Variants in ST6GAL1 observed in about 807,000 individuals in gnomAD.
ST6GAL1 encodes ST6 beta-galactoside alpha-2,6-sialyltransferase 1, also known as beta-galactoside alpha-2,6-sialyltransferase 1.
ST6GAL1 carries 20 observed loss-of-function variants against 38.0 expected under a neutral mutation model. That is an observed-to-expected ratio of 0.53 (90% CI 0.37 to 0.77). ST6GAL1 has a LOEUF of 0.77. ST6GAL1 is among the 30% of genes least tolerant of loss of function. The pLI, the probability that ST6GAL1 is intolerant of heterozygous loss-of-function variation, is 0.00. For missense variants in ST6GAL1, 432 were observed against 496.4 expected, an observed-to-expected ratio of 0.87 and a Z score of 1.23; for synonymous variants, 196 against 188.2, an observed-to-expected ratio of 1.04 and a Z score of -0.34.
intron 5 of ST6GAL1, among the ~76,000 whole-genome samples, chr3:187,052,373 G>A (rs1475113161): frequency 6.6e-6 from 1 of 152,132 alleles, no homozygotes; most frequent in Non-Finnish European, 1.5e-5. Context: ...AGATATACAT[G>A]TGCCATGTTG....
At chr3:187,073,277 T>G (rs1423851536) in intron 6 of ST6GAL1, 1 of 246,396 alleles carries the variant, frequency 4.1e-6, no homozygotes, top group Non-Finnish European at 8.0e-6. Flanking sequence ...CGAGAGTAGT[T>G]GCCGTTACTC....
At chr3:187,010,074 AGAGGAC>A (rs1410805604) in intron 2 of ST6GAL1, among the ~76,000 whole-genome samples, 1 of 152,222 alleles carries the variant, frequency 6.6e-6, no homozygotes, top group Non-Finnish European at 1.5e-5. Context: ...CTTTAAAGGA[AGAGGAC>A]AAGTTAAATT....
intron 2 of ST6GAL1, among the ~76,000 whole-genome samples, chr3:186,968,052 C>G (rs1188679546): frequency 6.6e-6 from 1 of 152,176 alleles, no homozygotes. Flanking sequence ...TCATTTGGAG[C>G]CTTCTTTGAG....
At chr3:187,017,303 C>T (rs529486604) in intron 2 of ST6GAL1, among the ~76,000 whole-genome samples, 3 of 152,310 alleles carry the variant, frequency 2.0e-5, no homozygotes, top group East Asian at 1.9e-4. Flanking sequence ...TTCTTCCAAA[C>T]TATTCTGATG....
At chr3:186,966,819 A>G (rs1715145522) in intron 2 of ST6GAL1, among the ~76,000 whole-genome samples, 1 of 152,028 alleles carries the variant, frequency 6.6e-6, no homozygotes, top group Non-Finnish European at 1.5e-5. Flanking sequence ...CAGTCCCTGG[A>G]CTCTCAGAAC....
intron 2 of ST6GAL1, among the ~76,000 whole-genome samples, chr3:187,038,066 T>G (rs1717991306): frequency 6.6e-6 from 1 of 152,140 alleles, no homozygotes; most frequent in Non-Finnish European, 1.5e-5. Flanking sequence ...GTATGAAGTT[T>G]ATTTCAGGAT....
At chr3:186,942,922 C>G (rs1015314078) in intron 1 of ST6GAL1, among the ~76,000 whole-genome samples, 19 of 152,308 alleles carry the variant, frequency 1.2e-4, no homozygotes, top group African/African-American at 4.6e-4. Flanking sequence ...AGGCTGGTCT[C>G]AAACTGCTCA....
At chr3:187,059,428 C>G (rs1579371103) in intron 5 of ST6GAL1, among the ~76,000 whole-genome samples, 1 of 152,216 alleles carries the variant, frequency 6.6e-6, no homozygotes, top group African/African-American at 2.4e-5. Flanking sequence ...AGCACTAAAA[C>G]CTCATCTCCA....
At chr3:187,059,720 C>T (rs1639521047) in intron 5 of ST6GAL1, among the ~76,000 whole-genome samples, 2 of 152,208 alleles carry the variant, frequency 1.3e-5, no homozygotes, top group East Asian at 3.8e-4. Flanking sequence ...ATACCTGGCA[C>T]ATGTATCAAT....
intron 1 of ST6GAL1, among the ~76,000 whole-genome samples, chr3:186,934,911 T>C (rs56084864): frequency 0.32 from 47,842 of 151,428 alleles, 7,498 homozygotes; most frequent in Middle Eastern, 0.35. Context: ...GGACTACAGG[T>C]GCCCGCCACC....
At chr3:186,956,500 A>G (rs1371524826) in intron 1 of ST6GAL1, among the ~76,000 whole-genome samples, 1 of 152,186 alleles carries the variant, frequency 6.6e-6, no homozygotes, top group Non-Finnish European at 1.5e-5. Flanking sequence ...ATGCAGTTCT[A>G]TACCAGAGGG....
chr3:187,049,290 A>C (rs1032985981), intron 4 of ST6GAL1, among the ~76,000 whole-genome samples: 1 of 152,226 alleles, frequency 6.6e-6, no homozygotes, highest in Non-Finnish European at 1.5e-5. Flanking sequence ...GCTGAGAAGA[A>C]GACTAAGGTC....
At chr3:186,979,754 AG>A (rs1229989544) in intron 2 of ST6GAL1, among the ~76,000 whole-genome samples, 1 of 152,146 alleles carries the variant, frequency 6.6e-6, no homozygotes, top group African/African-American at 2.4e-5. Flanking sequence ...CCTGCTGCCA[AG>A]GCTTCCGAGA....
rs553063971 is a variant in ST6GAL1 at position 186,932,524 on chromosome 3, T to C, written c.-325+1690T>C. 5.0e-4 allele frequency among the ~76,000 whole-genome samples: 76 copies of C among 152,356 alleles called. 1 individual carries two copies. The highest frequency in any genetic ancestry group is 1.8e-3 in the African/African-American group (74 of 41,584). The stretch of plus-strand genomic sequence containing the variant: ...GTAATTCCTTACTCTCCTTCAAGCC[T>C]TTCAAAAGCTTAGTTATTTTTCTCT... On this transcript the variant is annotated intron_variant, in intron 1 of 7. Transcript: ENST00000169298.
chr3:187,014,203 G>T (rs181305808), intron 2 of ST6GAL1, among the ~76,000 whole-genome samples: 1 of 152,352 alleles, frequency 6.6e-6, no homozygotes, highest in Admixed American at 6.5e-5. Context: ...GACCCCGACT[G>T]TCATGTAATT....
chr3:187,032,592 G>A (rs1717792585), intron 2 of ST6GAL1, among the ~76,000 whole-genome samples: 2 of 152,280 alleles, frequency 1.3e-5, no homozygotes, highest in Admixed American at 6.5e-5. Flanking sequence ...TATTTATGAA[G>A]CTTATATTTT....
chr3:187,011,891 C>T (rs780737415), intron 2 of ST6GAL1, among the ~76,000 whole-genome samples: 57 of 152,280 alleles, frequency 3.7e-4, no homozygotes, highest in Non-Finnish European at 5.9e-4. Flanking sequence ...GGAAATGCAC[C>T]TTGCAGTACT....
intron 1 of ST6GAL1, among the ~76,000 whole-genome samples, chr3:186,948,153 T>C (rs936337445): frequency 2.0e-5 from 3 of 152,136 alleles, no homozygotes; most frequent in Non-Finnish European, 4.4e-5. Flanking sequence ...GGGATGGCTG[T>C]CAACAGCTTG....
chr3:186,985,724 G>A (rs1251341460), intron 2 of ST6GAL1, among the ~76,000 whole-genome samples: 1 of 150,082 alleles, frequency 6.7e-6, no homozygotes, highest in African/African-American at 2.5e-5. Flanking sequence ...GCAGTGAGCC[G>A]AGATTGCGCC....
Sources: allele counts gnomAD v4.1 joint callset (sites outside exome capture counted in the v4.1 genomes callset), GRCh38; gene constraint gnomAD v4.1.1; transcripts MANE v1.5; gene names NCBI Gene and HGNC (gene_info 2026-07-23, HGNC 2026-07-21).